The following CDH4 variants were observed in gnomAD, a reference collection of about 807,000 sequenced individuals.
CDH4 encodes the protein cadherin 4, also known as cadherin-4.
Under a neutral mutation model 86.0 loss-of-function variants are expected in CDH4, and 33 were observed. The observed-to-expected ratio is 0.38, with a 90% CI of 0.29 to 0.51. The LOEUF is 0.51. Among genes scored for constraint, CDH4 ranks in the 20% least tolerant of loss-of-function variants. The pLI, the probability that CDH4 is intolerant of heterozygous loss-of-function variation, is 0.86. For missense variants in CDH4, 1,114 were observed against 1,307.4 expected, an observed-to-expected ratio of 0.85 and a Z score of 2.28; for synonymous variants, 555 against 549.4, an observed-to-expected ratio of 1.01 and a Z score of -0.14.
rs111478423 is a variant in CDH4, at chr20:61,464,350, T to C, written c.169+209413T>C. On this transcript the variant is annotated intron_variant, in intron 2 of 15. Coordinates refer to ENST00000614565, the MANE Select transcript of CDH4 (RefSeq NM_001794.5). The stretch of plus-strand genomic sequence containing the variant: ...CTGCATTTTGAATCCAGATTGAACA[T>C]AAAGAGTGAGTGTTTGGAGTCTGTT... Among the ~76,000 whole-genome samples, 1,045 of 152,246 alleles carry C rather than the reference T, an allele frequency of 6.9e-3. 11 individuals carry two copies. Among genetic ancestry groups the C allele is most frequent in the African/African-American group, 0.024 (989 of 41,542 alleles).
chr20:61,730,263 C>T (rs928277939), intron 2 of CDH4, among the ~76,000 whole-genome samples: 2 of 152,108 alleles, frequency 1.3e-5, no homozygotes, highest in African/African-American at 4.8e-5. Flanking sequence ...TGACACGGAG[C>T]CACCACTGCA....
In CDH4 at chr20:61,910,041, G is replaced by A. The variant is rs569076492; in HGVS notation, c.1189-381G>A. Among the ~76,000 whole-genome samples the A allele has an allele frequency of 3.9e-5, 6 of 152,368 alleles. No homozygotes were observed. In the East Asian group the frequency reaches 1.2e-3, roughly 29 times the overall value. On this transcript the variant is annotated intron_variant, in intron 8 of 15. Transcript: ENST00000614565. ...CCCCGGCAGCCGTGCTATGAGGCGT[G>A]CACTCCCGTGCACCCCTGAGCAGCC...
At chr20:61,702,313 G>T (rs2087785331) in intron 2 of CDH4, among the ~76,000 whole-genome samples, 1 of 152,196 alleles carries the variant, frequency 6.6e-6, no homozygotes, top group Non-Finnish European at 1.5e-5. Flanking sequence ...CTCGATCCTT[G>T]TGGAATCGGG....
chr20:61,730,394 G>A (rs898878844), intron 2 of CDH4, among the ~76,000 whole-genome samples: 1 of 152,142 alleles, frequency 6.6e-6, no homozygotes, highest in Admixed American at 6.5e-5. Flanking sequence ...TCATGGAGTT[G>A]GAATCCTACG....
intron 5 of CDH4, among the ~76,000 whole-genome samples, chr20:61,852,478 TCCTGGGTGGG>T (rs1166105829): frequency 6.6e-6 from 1 of 152,042 alleles, no homozygotes; most frequent in Non-Finnish European, 1.5e-5. Flanking sequence ...GCATGGGAGG[TCCTGGGTGGG>T]CCTGGGCCTG....
rs374145185 is a variant in CDH4, at chr20:61,934,012, G to A, written c.2380-44G>A. ...GATGCAGGGTGGAAGGGGGGCTGGCGGATTCTTCTGATGCCCCTGACTCCT... is the reference window on the plus strand; with the variant it reads ...GATGCAGGGTGGAAGGGGGGCTGGCAGATTCTTCTGATGCCCCTGACTCCT... On this transcript the variant is annotated intron_variant, in intron 14 of 15. Transcript: ENST00000614565. 2.3e-4 allele frequency: 366 copies of A among 1,602,808 alleles called. 12 individuals are homozygous for A. In the South Asian group the frequency reaches 3.7e-3, roughly 16 times the overall value.
chr20:61,327,013 C>G (rs528658705), intron 2 of CDH4, among the ~76,000 whole-genome samples: 4 of 152,152 alleles, frequency 2.6e-5, no homozygotes, highest in African/African-American at 9.7e-5. Context: ...TTTACCTCCA[C>G]CAGGCAAGAT....
At position 61,254,249 on chromosome 20, in the gene CDH4, C is replaced by A. The variant is rs144090204; in HGVS notation, c.58-577C>A. 6.8e-3 allele frequency among the ~76,000 whole-genome samples: 1,041 copies of A among 152,266 alleles called. 14 individuals are homozygous for A. The highest frequency in any genetic ancestry group is 0.023 in the African/African-American group (967 of 41,544). Reference sequence around the variant, plus strand: ...GGAAGCGCCCCCACTGCCTCCTCACCCCAGCCACCGGCAGCCTCCCGCAGA... The same window carrying A: ...GGAAGCGCCCCCACTGCCTCCTCACACCAGCCACCGGCAGCCTCCCGCAGA... On this transcript the variant is annotated intron_variant, in intron 1 of 15. Transcript: ENST00000614565.
At chr20:61,864,562 AC>A (rs1322616563) in intron 6 of CDH4, among the ~76,000 whole-genome samples, 1 of 152,162 alleles carries the variant, frequency 6.6e-6, no homozygotes, top group African/African-American at 2.4e-5. Flanking sequence ...TGGAGCGGCC[AC>A]TGTGGCTCAG....
chr20:61,672,781 C>T (rs375446188), intron 2 of CDH4, among the ~76,000 whole-genome samples: 24 of 152,144 alleles, frequency 1.6e-4, no homozygotes, highest in African/African-American at 5.3e-4. Flanking sequence ...CCTGGGAACC[C>T]GACGGGGCTC....
intron 2 of CDH4, among the ~76,000 whole-genome samples, chr20:61,482,109 T>C (rs1474551612): frequency 1.6e-4 from 25 of 152,174 alleles, no homozygotes; most frequent in Admixed American, 1.6e-3. Flanking sequence ...CTGGGCCCAT[T>C]GCTCTCACGT....
chr20:61,852,987 C>G, intron 6 of CDH4, 89 bp downstream of exon 6: 1 of 1,384,772 alleles, frequency 7.2e-7, no homozygotes, highest in Non-Finnish European at 9.9e-7. Flanking sequence ...CTGCTTAGTC[C>G]CCGCTACCAG....
intron 2 of CDH4, among the ~76,000 whole-genome samples, chr20:61,416,797 G>A (rs1232122586): frequency 6.6e-6 from 1 of 152,230 alleles, no homozygotes; most frequent in Non-Finnish European, 1.5e-5. Context: ...GAAAGGGACA[G>A]AGGACATAGC....
intron 2 of CDH4, among the ~76,000 whole-genome samples, chr20:61,386,109 G>T (rs2145457261): frequency 6.6e-6 from 1 of 152,264 alleles, no homozygotes; most frequent in African/African-American, 2.4e-5. Context: ...TAGTGACAAG[G>T]GTGTGTAGGG....
chr20:61,606,100 G>A (rs906060242), intron 2 of CDH4, among the ~76,000 whole-genome samples: 1 of 152,160 alleles, frequency 6.6e-6, no homozygotes, highest in Non-Finnish European at 1.5e-5. Context: ...GCAGGTGATG[G>A]GCATGGCAGA....
chr20:61,644,517 C>G (rs2087041904), intron 2 of CDH4, among the ~76,000 whole-genome samples: 1 of 152,212 alleles, frequency 6.6e-6, no homozygotes, highest in Admixed American at 6.5e-5. Context: ...AGAGCCCCCG[C>G]TTTGAATGAC....
chr20:61,837,441 G>A (rs902168351), intron 4 of CDH4, among the ~76,000 whole-genome samples: 2 of 152,176 alleles, frequency 1.3e-5, no homozygotes, highest in African/African-American at 4.8e-5. Flanking sequence ...TCACTTACTC[G>A]TGAACCTTCG....
chr20:61,601,639 A>C (rs537533420), intron 2 of CDH4, among the ~76,000 whole-genome samples: 1 of 152,260 alleles, frequency 6.6e-6, no homozygotes, highest in East Asian at 1.9e-4. Context: ...TGCAGAGTCC[A>C]GGGGAGGGAA....
chr20:61,780,689 A>T (rs757266600), intron 4 of CDH4, among the ~76,000 whole-genome samples: 4 of 152,212 alleles, frequency 2.6e-5, no homozygotes, highest in African/African-American at 9.7e-5. Flanking sequence ...CTAGGGGAAA[A>T]TGTTTAAGCT....
Sources: allele counts gnomAD v4.1 joint callset (sites outside exome capture counted in the v4.1 genomes callset), GRCh38; gene constraint gnomAD v4.1.1; transcripts MANE v1.5; gene names NCBI Gene and HGNC (gene_info 2026-07-23, HGNC 2026-07-21).